Variants in ZNF69 observed in about 807,000 individuals in gnomAD.
ZNF69 encodes the protein zinc finger protein 69, also known as ZNF3.
ZNF69 carries 47 observed loss-of-function variants against 50.9 expected under a neutral mutation model. The observed-to-expected ratio is 0.92, with a 90% CI of 0.73 to 1.18. ZNF69 has a LOEUF of 1.18. ZNF69 is among the 50% of genes most tolerant of loss of function. The pLI, the probability that ZNF69 is intolerant of heterozygous loss-of-function variation, is 0.00. For synonymous variants in ZNF69, 216 were observed against 223.1 expected (o/e 0.97, Z 0.29); for missense variants, 717 against 675.1 (o/e 1.06, Z -0.69).
the ZNF69 span, among the ~76,000 whole-genome samples, chr19:11,941,768 T>C: frequency 2.0e-5 from 3 of 152,316 alleles, no homozygotes; most frequent in Admixed American, 1.3e-4. Flanking sequence ...GCTGAAGGGC[T>C]CCTCAAGTGC....
At chr19:11,955,338 C>T in the ZNF69 span, among the ~76,000 whole-genome samples, 1 of 151,484 alleles carries the variant, frequency 6.6e-6, no homozygotes, top group African/African-American at 2.4e-5. Flanking sequence ...TCCTTAGAGG[C>T]CGTGTAGTAC....
chr19:11,949,833 T>C, the ZNF69 span: 2 of 1,612,610 alleles, frequency 1.2e-6, no homozygotes, highest in East Asian at 2.2e-5. Context: ...CCTTCAGTTG[T>C]GCCTCAAACC....
the ZNF69 span, among the ~76,000 whole-genome samples, chr19:11,961,421 C>T: frequency 6.6e-6 from 1 of 152,202 alleles, no homozygotes; most frequent in Non-Finnish European, 1.5e-5. Context: ...TTTTGTTATA[C>T]TAGCCTGAGC....
At chr19:11,977,041 C>G in the ZNF69 span, 3 of 1,613,988 alleles carry the variant, frequency 1.9e-6, no homozygotes, top group East Asian at 6.7e-5. Flanking sequence ...GTTTCAGGAC[C>G]CTGTGGCCTG....
At chr19:11,951,129 AAC>A in the ZNF69 span, among the ~76,000 whole-genome samples, 3 of 147,124 alleles carry the variant, frequency 2.0e-5, no homozygotes, top group African/African-American at 7.6e-5. Context: ...CCAGCCTGGC[AAC>A]AGAGCAAGAC....
chr19:11,917,493 A>G (rs1047110634), downstream of ZNF69, among the ~76,000 whole-genome samples: 141 of 152,300 alleles, frequency 9.3e-4, no homozygotes, highest in Non-Finnish European at 1.3e-3. Context: ...CTAAGCTTGA[A>G]AATGTGTAAC....
At chr19:11,960,105 C>T in the ZNF69 span, among the ~76,000 whole-genome samples, 2 of 151,100 alleles carry the variant, frequency 1.3e-5, no homozygotes, top group African/African-American at 4.9e-5. Context: ...CGTGATCTCA[C>T]CTCACTGCAA....
downstream of ZNF69, among the ~76,000 whole-genome samples, chr19:11,914,895 A>G (rs1304429309): frequency 6.6e-6 from 1 of 152,160 alleles, no homozygotes; most frequent in African/African-American, 2.4e-5. Context: ...AGTGACTCAG[A>G]GCAGGGAAGA....
At chr19:11,978,494 C>T in the ZNF69 span, 6 of 1,614,182 alleles carry the variant, frequency 3.7e-6, no homozygotes, top group Non-Finnish European at 5.1e-6. Flanking sequence ...TTCGAAGACG[C>T]ATGGTAATGC....
chr19:11,887,871 C>G lies in ZNF69; in HGVS notation c.-53C>G, dbSNP rs934568930. On this transcript the variant is annotated 5_prime_UTR_variant, in exon 1 of 4. Coordinates refer to ENST00000429654, the MANE Select transcript of ZNF69 (RefSeq NM_001364730.1). ...GGCTGGGATCCGGTCTTTCCAGCCC[C>G]GAGAGGGACCTGGTTCCTCTGCCCA... The G allele has an allele frequency of 1.3e-6, 2 of 1,556,504 alleles. No individual in the cohort carries two copies. Among genetic ancestry groups the G allele is most frequent in the African/African-American group, 1.4e-5 (1 of 73,116 alleles).
chr19:11,978,760 C>G, the ZNF69 span: 1 of 1,614,056 alleles, frequency 6.2e-7, no homozygotes, highest in Non-Finnish European at 8.5e-7. Context: ...AGAACCCACA[C>G]TGGGGGAAAG....
intron 1 of ZNF69, among the ~76,000 whole-genome samples, chr19:11,894,801 A>G (rs1977184260): frequency 6.6e-6 from 1 of 152,214 alleles, no homozygotes; most frequent in African/African-American, 2.4e-5. Flanking sequence ...ATGGCTGGTC[A>G]GCCAGTTGGA....
rs142948176 is a variant in ZNF69 at position 11,892,452 on chromosome 19, C to A, written c.63+4466C>A. Among the ~76,000 whole-genome samples the A allele has an allele frequency of 7.5e-3, 1,138 of 152,138 alleles. 14 individuals are homozygous for A. The highest frequency in any genetic ancestry group is 0.011 in the Non-Finnish European group (717 of 68,000). On this transcript the variant is annotated intron_variant, in intron 1 of 3. Coordinates refer to ENST00000429654, the MANE Select transcript of ZNF69 (RefSeq NM_001364730.1). ...GAAAGTTAAGAGGGAAGTTAGTCTA[C>A]TACAGAGATCAGTAGTGAAGAGGGG...
chr19:11,895,000 G>A (rs1171252793), intron 1 of ZNF69, among the ~76,000 whole-genome samples: 3 of 152,214 alleles, frequency 2.0e-5, no homozygotes, highest in African/African-American at 7.2e-5. Flanking sequence ...AGTCATGAGC[G>A]CTTCGGTGAG....
chr19:11,928,395 T>C, the ZNF69 span, among the ~76,000 whole-genome samples: 6,824 of 152,210 alleles, frequency 0.045, 231 homozygotes, highest in Non-Finnish European at 0.063. Context: ...AATTTAACAT[T>C]CCATCTGAAG....
At chr19:11,949,261 A>G in the ZNF69 span, 4 of 1,614,172 alleles carry the variant, frequency 2.5e-6, no homozygotes, top group African/African-American at 5.3e-5. Flanking sequence ...AAGGATTCAC[A>G]CTGGAGAGAA....
At chr19:11,935,538 T>A in the ZNF69 span, among the ~76,000 whole-genome samples, 1 of 152,096 alleles carries the variant, frequency 6.6e-6, no homozygotes, top group Non-Finnish European at 1.5e-5. Flanking sequence ...GGCTTTTTGC[T>A]TCTTTTTTGA....
In ZNF69 at chr19:11,905,322, T is replaced by C. The variant is rs1972344031; in HGVS notation, c.925T>C (p.Cys309Arg). The C allele has an allele frequency of 6.2e-7, 1 of 1,614,126 alleles. No individual in the cohort carries two copies. Among genetic ancestry groups the C allele is most frequent in the Non-Finnish European group, 8.5e-7 (1 of 1,180,016 alleles). Residue 309 changes from cysteine to arginine, a missense_variant, in exon 4 of 4, where the codon TGT becomes CGT. Transcript: ENST00000429654. ...AGAGAAGGCTTATCAATGTAAGGAA[T>C]GTGGAAAAGCATTCACGTGTCCCCA... ...TGEKAYQCKE[C>R]GKAFTCPQYV...
At chr19:11,973,955 A>G in the ZNF69 span, among the ~76,000 whole-genome samples, 1 of 152,156 alleles carries the variant, frequency 6.6e-6, no homozygotes, top group Admixed American at 6.6e-5. Context: ...TCCATAGTGA[A>G]GGAGAGTTCA....
Sources: allele counts gnomAD v4.1 joint callset (sites outside exome capture counted in the v4.1 genomes callset), GRCh38; gene constraint gnomAD v4.1.1; transcripts MANE v1.5; gene names NCBI Gene and HGNC (gene_info 2026-07-23, HGNC 2026-07-21).